RBFOX1: variants seen among roughly 807,000 people sequenced by gnomAD.
RBFOX1 encodes the protein RNA binding fox-1 homolog 1, also known as RNA binding protein fox-1 homolog 1.
In RBFOX1, 8 loss-of-function variants were observed where a neutral mutation model predicts 57.7. The ratio of observed to expected loss-of-function variants is 0.14; its 90% CI spans 0.08 to 0.25. RBFOX1 has a LOEUF of 0.25. Among genes scored for constraint, RBFOX1 ranks in the 10% least tolerant of loss-of-function variants. The pLI, the probability that RBFOX1 is intolerant of heterozygous loss-of-function variation, is 1.00. For missense variants in RBFOX1, 611 were observed against 548.5 expected (o/e 1.11, Z -1.14); for synonymous variants, 326 against 222.4 (o/e 1.47, Z -4.15).
intron 5 of RBFOX1, among the ~76,000 whole-genome samples, chr16:7,519,248 C>T (rs1433949097): frequency 5.3e-5 from 8 of 152,108 alleles, no homozygotes; most frequent in Non-Finnish European, 7.4e-5. Context: ...CGCTTCTTTA[C>T]CTTAGCCTAA....
intron 1 of RBFOX1, among the ~76,000 whole-genome samples, chr16:6,033,822 C>A (rs1167759871): frequency 2.6e-5 from 4 of 152,178 alleles, no homozygotes; most frequent in Non-Finnish European, 5.9e-5. Context: ...AGGAAACATG[C>A]CTTTCATTTT....
intron 1 of RBFOX1, among the ~76,000 whole-genome samples, chr16:5,359,185 A>T (rs541044577): frequency 2.6e-5 from 4 of 152,322 alleles, no homozygotes; most frequent in Admixed American, 6.5e-5. Flanking sequence ...GTTATGTATA[A>T]GTACCACATT....
chr16:7,370,585 C>G (rs1265029918), intron 4 of RBFOX1, among the ~76,000 whole-genome samples: 1 of 152,196 alleles, frequency 6.6e-6, no homozygotes, highest in African/African-American at 2.4e-5. Context: ...GATGTGCTGC[C>G]TTGCAGAGTT....
intron 4 of RBFOX1, among the ~76,000 whole-genome samples, chr16:7,154,938 G>A (rs1428338111): frequency 6.6e-6 from 1 of 152,068 alleles, no homozygotes; most frequent in Admixed American, 6.6e-5. Flanking sequence ...AGAGAATAGG[G>A]ATGTTAACTT....
chr16:5,451,056 A>G (rs2068412241), intron 1 of RBFOX1, among the ~76,000 whole-genome samples: 1 of 152,180 alleles, frequency 6.6e-6, no homozygotes, highest in East Asian at 1.9e-4. Context: ...CAGAGTGGGC[A>G]CTCGAGGAAT....
chr16:5,695,569 T>G (rs564123731), intron 3 of RBFOX1, among the ~76,000 whole-genome samples: 1 of 152,314 alleles, frequency 6.6e-6, no homozygotes, highest in Admixed American at 6.5e-5. Flanking sequence ...AATCTTAGGA[T>G]TGCTAAAACT....
chr16:7,474,017 G>A (rs1239290031), intron 4 of RBFOX1, among the ~76,000 whole-genome samples: 2 of 152,106 alleles, frequency 1.3e-5, no homozygotes, highest in Non-Finnish European at 2.9e-5. Flanking sequence ...GGCCGGGCAT[G>A]GTGGCTCACG....
At chr16:6,811,105 T>G (rs1603627692) in intron 3 of RBFOX1, among the ~76,000 whole-genome samples, 2 of 152,198 alleles carry the variant, frequency 1.3e-5, no homozygotes, top group South Asian at 4.1e-4. Context: ...CTGAGATACC[T>G]TGATAGAAAA....
intron 3 of RBFOX1, among the ~76,000 whole-genome samples, chr16:6,814,897 G>A (rs1838837884): frequency 6.6e-6 from 1 of 152,122 alleles, no homozygotes; most frequent in African/African-American, 2.4e-5. Flanking sequence ...AATTTGGGGC[G>A]AGTCCATAGA....
chr16:7,449,729 TGG>T (rs1194406323), intron 4 of RBFOX1, among the ~76,000 whole-genome samples: 23 of 76,648 alleles, frequency 3.0e-4, no homozygotes, highest in Admixed American at 5.2e-4. Context: ...TGTGTGTGTG[TGG>T]GGGGGGGGGG....
chr16:7,500,716 T>C (rs192911131), intron 4 of RBFOX1, among the ~76,000 whole-genome samples: 2 of 152,336 alleles, frequency 1.3e-5, no homozygotes, highest in African/African-American at 2.4e-5. Flanking sequence ...TTCAATATTG[T>C]ATGTAAGGCT....
At chr16:6,414,532 G>T (rs926362823) in intron 2 of RBFOX1, among the ~76,000 whole-genome samples, 4 of 152,168 alleles carry the variant, frequency 2.6e-5, no homozygotes, top group African/African-American at 4.8e-5. Flanking sequence ...ATAGTTTCCG[G>T]CAGTGACAAG....
At chr16:5,983,213 G>A (rs767808847) in intron 4 of RBFOX1, among the ~76,000 whole-genome samples, 3 of 152,222 alleles carry the variant, frequency 2.0e-5, no homozygotes, top group Non-Finnish European at 4.4e-5. Flanking sequence ...AATTAGGGAT[G>A]TCAGAAATCC....
At chr16:7,376,063 A>G (rs1387834238) in intron 4 of RBFOX1, among the ~76,000 whole-genome samples, 1 of 152,210 alleles carries the variant, frequency 6.6e-6, no homozygotes, top group Non-Finnish European at 1.5e-5. Context: ...TGTTCTGAAA[A>G]GTACATTGTA....
chr16:5,468,564 A>G (rs994240214), intron 2 of RBFOX1, among the ~76,000 whole-genome samples: 2 of 152,172 alleles, frequency 1.3e-5, no homozygotes, highest in African/African-American at 4.8e-5. Context: ...TATACCCCAA[A>G]TTGCTGAGAA....
intron 4 of RBFOX1, among the ~76,000 whole-genome samples, chr16:5,879,125 C>G (rs2057695892): frequency 6.6e-6 from 1 of 152,174 alleles, no homozygotes; most frequent in South Asian, 2.1e-4. Flanking sequence ...CTCAGAGCTG[C>G]TTGCACCTTT....
chr16:7,130,656 C>G (rs894213239), intron 4 of RBFOX1, among the ~76,000 whole-genome samples: 1 of 152,100 alleles, frequency 6.6e-6, no homozygotes, highest in Non-Finnish European at 1.5e-5. Context: ...ATCTCCAGTG[C>G]CTTTTTACTT....
chr16:6,491,972 C>A (rs1003910132), intron 2 of RBFOX1, among the ~76,000 whole-genome samples: 1 of 151,942 alleles, frequency 6.6e-6, no homozygotes, highest in Admixed American at 6.6e-5. Flanking sequence ...ATGCAAGTGG[C>A]TGGATATTTT....
chr16:7,525,529 C>G (rs2152310073), intron 5 of RBFOX1, among the ~76,000 whole-genome samples: 1 of 152,276 alleles, frequency 6.6e-6, no homozygotes, highest in African/African-American at 2.4e-5. Flanking sequence ...GATTTGCACC[C>G]TCATGGACAG....
Sources: allele counts gnomAD v4.1 joint callset (sites outside exome capture counted in the v4.1 genomes callset), GRCh38; gene constraint gnomAD v4.1.1; transcripts MANE v1.5; gene names NCBI Gene and HGNC (gene_info 2026-07-23, HGNC 2026-07-21).